ST6GAL1: variants seen among roughly 807,000 people sequenced by gnomAD.
The protein encoded by ST6GAL1 is ST6 beta-galactoside alpha-2,6-sialyltransferase 1.
ST6GAL1 carries 20 observed loss-of-function variants against 38.0 expected under a neutral mutation model. That is an observed-to-expected ratio of 0.53 (90% CI 0.37 to 0.77). The LOEUF (loss-of-function observed/expected upper bound fraction) is 0.77, where lower values mean the gene tolerates loss of function less well. ST6GAL1 is among the 30% of genes least tolerant of loss of function. The pLI is 0.00. For synonymous variants in ST6GAL1, 196 were observed against 188.2 expected, an observed-to-expected ratio of 1.04 and a Z score of -0.34; for missense variants, 432 against 496.4, an observed-to-expected ratio of 0.87 and a Z score of 1.23.
At chr3:186,957,316 G>A (rs1256932320) in intron 1 of ST6GAL1, among the ~76,000 whole-genome samples, 2 of 152,136 alleles carry the variant, frequency 1.3e-5, no homozygotes, top group African/African-American at 4.8e-5. Flanking sequence ...GGTGGTGCAC[G>A]CCTATAGTTC....
intron 5 of ST6GAL1, 167 bp downstream of exon 5, chr3:187,051,513 C>G (rs994410246): frequency 4.9e-6 from 3 of 613,700 alleles, no homozygotes; most frequent in African/African-American, 1.9e-5. Flanking sequence ...ATGACCCAAC[C>G]TGATGATGTG....
In ST6GAL1 at chr3:186,952,663, C is replaced by T. The variant is rs758708725; in HGVS notation, c.-324-11122C>T. ...ACTGTGGAGTGCCTCTGGGAGTGGC[C>T]CTTGGACTTGGCCTCTTCTCTGTCT... On this transcript the variant is annotated intron_variant, in intron 1 of 7. Transcript: ENST00000169298. This position sits in a 1 kb window ranked among gnomAD's most constrained non-coding sequence, Gnocchi z 4.1. Among the ~76,000 whole-genome samples, 4 of 152,064 alleles carry T rather than the reference C, an allele frequency of 2.6e-5. No homozygotes were observed. Among genetic ancestry groups the T allele is most frequent in the African/African-American group, 4.8e-5 (2 of 41,402 alleles).
chr3:186,967,051 C>G (rs928432352), intron 2 of ST6GAL1, among the ~76,000 whole-genome samples: 1 of 152,212 alleles, frequency 6.6e-6, no homozygotes, highest in Non-Finnish European at 1.5e-5. Flanking sequence ...TTCCATACTT[C>G]AAGGCTGTTT....
At chr3:186,967,334 G>T (rs771952815) in intron 2 of ST6GAL1, among the ~76,000 whole-genome samples, 2 of 152,310 alleles carry the variant, frequency 1.3e-5, no homozygotes, top group East Asian at 3.9e-4. Flanking sequence ...TGAGATTACA[G>T]GCGCCTGCCA....
intron 1 of ST6GAL1, among the ~76,000 whole-genome samples, chr3:186,963,522 T>G (rs919881722): frequency 6.6e-6 from 1 of 152,212 alleles, no homozygotes; most frequent in African/African-American, 2.4e-5. Context: ...AACCCTTGCT[T>G]TTTCTTACCA....
At chr3:186,958,199 A>C (rs77594539) in intron 1 of ST6GAL1, among the ~76,000 whole-genome samples, 1,799 of 152,306 alleles carry the variant, frequency 0.012, 44 homozygotes, top group African/African-American at 0.041. Context: ...GGACTCTACA[A>C]ATGGCAACTA....
At chr3:186,994,697 C>CA (rs1716303827) in intron 2 of ST6GAL1, among the ~76,000 whole-genome samples, 1 of 152,096 alleles carries the variant, frequency 6.6e-6, no homozygotes, top group Admixed American at 6.5e-5. Flanking sequence ...GTGACTCACA[C>CA]CTGTAATCTC....
intron 2 of ST6GAL1, among the ~76,000 whole-genome samples, chr3:186,983,997 T>C (rs916781560): frequency 6.6e-6 from 1 of 152,186 alleles, no homozygotes; most frequent in African/African-American, 2.4e-5. Context: ...GACAGTCTCA[T>C]CTCAAACTCA....
At chr3:186,997,514 G>C (rs2108550384) in intron 2 of ST6GAL1, among the ~76,000 whole-genome samples, 1 of 152,244 alleles carries the variant, frequency 6.6e-6, no homozygotes, top group East Asian at 1.9e-4. Context: ...CCAACATTTT[G>C]AGAGGCTGAG....
intron 2 of ST6GAL1, chr3:187,022,063 G>A (rs1717327977): frequency 3.3e-5 from 5 of 152,226 alleles, no homozygotes; most frequent in Admixed American, 2.6e-4. Flanking sequence ...TTGAACCCAC[G>A]GAGAGGGGAA....
At chr3:186,965,409 G>A (rs1352391912) in intron 2 of ST6GAL1, among the ~76,000 whole-genome samples, 1 of 152,212 alleles carries the variant, frequency 6.6e-6, no homozygotes, top group Non-Finnish European at 1.5e-5. Flanking sequence ...TTAGCATAAT[G>A]AAGTCCCAGC....
intron 5 of ST6GAL1, among the ~76,000 whole-genome samples, chr3:187,053,111 T>G (rs909592654): frequency 2.6e-5 from 4 of 152,384 alleles, no homozygotes; most frequent in African/African-American, 9.6e-5. Flanking sequence ...GAGAAGTGTT[T>G]GTTTATATCT....
intron 2 of ST6GAL1, among the ~76,000 whole-genome samples, chr3:186,989,322 G>C (rs536617512): frequency 1.3e-5 from 2 of 152,170 alleles, no homozygotes; most frequent in Admixed American, 1.3e-4. Flanking sequence ...CCAGGAAATG[G>C]ATACTTAGGG....
At chr3:187,051,603 C>T in intron 5 of ST6GAL1, 1 of 416,050 alleles carries the variant, frequency 2.4e-6, no homozygotes, top group South Asian at 2.4e-5. Flanking sequence ...GTTGAGCTGT[C>T]CTTGCTGCTG....
intron 5 of ST6GAL1, among the ~76,000 whole-genome samples, chr3:187,069,814 A>G (rs945716411): frequency 2.0e-5 from 3 of 152,330 alleles, no homozygotes; most frequent in African/African-American, 7.2e-5. Context: ...AACAGGGTAC[A>G]CACTGTACTA....
intron 2 of ST6GAL1, among the ~76,000 whole-genome samples, chr3:187,011,575 C>T (rs1204967371): frequency 6.6e-6 from 1 of 152,172 alleles, no homozygotes; most frequent in African/African-American, 2.4e-5. Context: ...GTGAAACAAC[C>T]TCCTGCTCTT....
At chr3:187,035,335 A>G (rs549405495) in intron 2 of ST6GAL1, among the ~76,000 whole-genome samples, 6 of 152,362 alleles carry the variant, frequency 3.9e-5, no homozygotes, top group South Asian at 2.1e-4. Flanking sequence ...GCCCAAAGCA[A>G]TCTGTAGATT....
chr3:186,964,422 TG>T (rs1026699605), intron 2 of ST6GAL1: 4 of 152,232 alleles, frequency 2.6e-5, no homozygotes, highest in Non-Finnish European at 5.9e-5. Flanking sequence ...AGATATGTTC[TG>T]ATTATAAAGG....
intron 2 of ST6GAL1, among the ~76,000 whole-genome samples, chr3:187,033,220 C>T (rs1284165955): frequency 6.6e-6 from 1 of 152,186 alleles, no homozygotes; most frequent in Non-Finnish European, 1.5e-5. Flanking sequence ...TGAAGACCAG[C>T]CTGGCCAACA....
Sources: gnomAD v4.1 joint callset for allele counts (sites outside exome capture counted in the v4.1 genomes callset) on GRCh38, gnomAD v4.1.1 for gene constraint, Gnocchi (gnomAD v3.1) non-coding constraint, MANE v1.5 for transcripts, NCBI Gene and HGNC (gene_info 2026-07-23, HGNC 2026-07-21) for gene names.